Variants in GNG4 observed in about 807,000 individuals in gnomAD.
GNG4 encodes the protein G protein subunit gamma 4, also known as guanine nucleotide-binding protein G(I)/G(S)/G(O) subunit gamma-4.
GNG4 carries 4 observed loss-of-function variants against 5.8 expected under a neutral mutation model. The ratio of observed to expected loss-of-function variants is 0.69; its 90% CI spans 0.34 to 1.57. GNG4 has a LOEUF of 1.57. Among genes scored for constraint, GNG4 ranks in the 40% most tolerant of loss-of-function variants. GNG4 has a pLI of 0.06. For synonymous variants in GNG4, 29 were observed against 32.9 expected (o/e 0.88, Z 0.41); for missense variants, 96 against 95.1 (o/e 1.01, Z -0.04).
chr1:235,570,886 G>GTA, intron 3 of GNG4, among the ~76,000 whole-genome samples: 1 of 139,460 alleles, frequency 7.2e-6, no homozygotes, highest in African/African-American at 2.7e-5. Flanking sequence ...GTGTGTATAT[G>GTA]TATGTATATA....
chr1:235,587,590 TGAGTGTGGGAGGGCATGGGGTG>T (rs1687832891), intron 2 of GNG4, among the ~76,000 whole-genome samples: 2 of 1,248 alleles, frequency 1.6e-3, no homozygotes, highest in Admixed American at 0.01. Flanking sequence ...GCGGTGAGTG[TGAGTGTGGGAGGGCATGGGGTG>T]GGGTGTGTGA....
rs529153630 is a variant in GNG4, at chr1:235,594,870, A to G, written c.-11+530T>C. Among the ~76,000 whole-genome samples the G allele has an allele frequency of 4.4e-3, 663 of 152,302 alleles. 2 individuals are homozygous for G. Among genetic ancestry groups the G allele is most frequent in the African/African-American group, 0.015 (628 of 41,562 alleles). ...GCTGAAGGGCTCCTCAAGTGCTGCC[A>G]AAGTGGGAGCCCAGGCAGAGGAGGC... On this transcript the variant is annotated intron_variant, in intron 2 of 3. Transcript: ENST00000391854.
At chr1:235,553,272 G>C (rs1390955294) in intron 3 of GNG4, among the ~76,000 whole-genome samples, 1 of 152,182 alleles carries the variant, frequency 6.6e-6, no homozygotes, top group Non-Finnish European at 1.5e-5. Context: ...GGGAGAGGCA[G>C]TTACCAGCTT....
intron 1 of GNG4, among the ~76,000 whole-genome samples, chr1:235,596,906 T>C (rs1688137090): frequency 6.6e-6 from 1 of 152,088 alleles, no homozygotes. Context: ...CTTTTTTTTT[T>C]TTTATTTTGT....
At chr1:235,557,865 C>T (rs1381261039) in intron 3 of GNG4, among the ~76,000 whole-genome samples, 1 of 152,128 alleles carries the variant, frequency 6.6e-6, no homozygotes, top group Non-Finnish European at 1.5e-5. Context: ...CCCTTACAGC[C>T]CAGTGTCTGC....
At chr1:235,618,882 C>G (rs1336240320) in intron 1 of GNG4, among the ~76,000 whole-genome samples, 1 of 151,436 alleles carries the variant, frequency 6.6e-6, no homozygotes, top group South Asian at 2.1e-4. Context: ...TCTCGAACTC[C>G]TGAGTCCAAG....
intron 3 of GNG4, among the ~76,000 whole-genome samples, chr1:235,569,456 T>TC (rs1687281894): frequency 1.6e-5 from 1 of 63,552 alleles, no homozygotes; most frequent in African/African-American, 6.7e-5. Context: ...AGACCGTGTC[T>TC]CAAAAAAAAA....
chr1:235,623,767 G>GC (rs879624295), intron 1 of GNG4, among the ~76,000 whole-genome samples: 1 of 152,146 alleles, frequency 6.6e-6, no homozygotes, highest in Admixed American at 6.5e-5. Flanking sequence ...CGCCACAGCA[G>GC]CCCCCCTCAT....
intron 3 of GNG4, among the ~76,000 whole-genome samples, chr1:235,568,368 G>A (rs527919624): frequency 2.2e-4 from 33 of 152,212 alleles, no homozygotes; most frequent in South Asian, 6.2e-4. Context: ...GCCCCTGCTC[G>A]GGAAGACCTT....
At chr1:235,637,255 C>G (rs935399664) in intron 1 of GNG4, among the ~76,000 whole-genome samples, 2 of 152,058 alleles carry the variant, frequency 1.3e-5, no homozygotes, top group African/African-American at 2.4e-5. Flanking sequence ...GTTATGCTTA[C>G]GTGTCCTTTA....
intron 3 of GNG4, among the ~76,000 whole-genome samples, chr1:235,565,377 G>A (rs1164991198): frequency 1.3e-5 from 2 of 152,072 alleles, no homozygotes; most frequent in African/African-American, 2.4e-5. Context: ...GGTGATGGGC[G>A]CCTGTAATCC....
chr1:235,588,171 G>T (rs1687871366), intron 2 of GNG4, among the ~76,000 whole-genome samples: 1 of 152,006 alleles, frequency 6.6e-6, no homozygotes, highest in African/African-American at 2.4e-5. Flanking sequence ...GGAGAGTTCT[G>T]GCTGGAGGCT....
At chr1:235,635,282 A>T (rs1157378607) in intron 1 of GNG4, among the ~76,000 whole-genome samples, 1 of 152,114 alleles carries the variant, frequency 6.6e-6, no homozygotes, top group Non-Finnish European at 1.5e-5. Context: ...GGATCACCTG[A>T]GGTCAGCAGT....
In GNG4 at chr1:235,604,184, G is replaced by A. The variant is rs550397768; in HGVS notation, c.-122-8673C>T. 2.1e-4 allele frequency among the ~76,000 whole-genome samples: 32 copies of A among 149,252 alleles called. No individual in the cohort carries two copies. The South Asian group carries it at 6.3e-3, about 29-fold the overall frequency. ...CTCAAACTGGACCACGGTGTTGACC[G>A]GCACGTATGGAGGAACACAAACCTG... is the stretch of plus-strand genomic sequence containing the variant. On this transcript the variant is annotated intron_variant, in intron 1 of 3. Transcript: ENST00000391854.
chr1:235,598,224 C>G (rs1026116346), intron 1 of GNG4, among the ~76,000 whole-genome samples: 12 of 152,316 alleles, frequency 7.9e-5, no homozygotes, highest in Admixed American at 7.2e-4. Flanking sequence ...TGTCTTAGCT[C>G]TCTTGGAGAT....
At chr1:235,606,072 G>A (rs1688354379) in intron 1 of GNG4, among the ~76,000 whole-genome samples, 1 of 151,870 alleles carries the variant, frequency 6.6e-6, no homozygotes, top group African/African-American at 2.4e-5. Context: ...ATGCTCTGCT[G>A]TTACATTCTA....
At chr1:235,643,355 T>A (rs12133526) in intron 1 of GNG4, among the ~76,000 whole-genome samples, 99,623 of 152,010 alleles carry the variant, frequency 0.66, 33,455 homozygotes, top group African/African-American at 0.79. Context: ...AGCTCAAGAC[T>A]CCCTCTGTTG....
chr1:235,601,178 C>T (rs1371188675), intron 1 of GNG4, among the ~76,000 whole-genome samples: 1 of 152,182 alleles, frequency 6.6e-6, no homozygotes, highest in African/African-American at 2.4e-5. Flanking sequence ...TCTAAAACCC[C>T]TTGTTAGGGT....
intron 3 of GNG4, among the ~76,000 whole-genome samples, chr1:235,575,077 G>A (rs935744897): frequency 2.0e-5 from 3 of 152,062 alleles, no homozygotes; most frequent in African/African-American, 7.2e-5. Flanking sequence ...CACCCACCTC[G>A]GACTCCCAAA....
Sources: allele counts gnomAD v4.1 joint callset (sites outside exome capture counted in the v4.1 genomes callset), GRCh38; gene constraint gnomAD v4.1.1; transcripts MANE v1.5; gene names NCBI Gene and HGNC (gene_info 2026-07-23, HGNC 2026-07-21).